The following SORCS3 variants were observed in gnomAD, a reference collection of about 807,000 sequenced individuals.
SORCS3 encodes sortilin related VPS10 domain containing receptor 3.
SORCS3 carries 57 observed loss-of-function variants against 146.3 expected under a neutral mutation model. The ratio of observed to expected loss-of-function variants is 0.39; its 90% CI spans 0.31 to 0.49. The LOEUF (loss-of-function observed/expected upper bound fraction) is 0.49, where lower values mean the gene tolerates loss of function less well. Ranked by LOEUF, SORCS3 falls within the 20% of genes least tolerant of loss-of-function variation. SORCS3 has a pLI of 0.92. For missense variants in SORCS3, 1,341 were observed against 1,575.5 expected (o/e 0.85, Z 2.52); for synonymous variants, 653 against 618.5 (o/e 1.06, Z -0.83).
chr10:104,920,144 A>G (rs2019072759), intron 3 of SORCS3, among the ~76,000 whole-genome samples: 1 of 152,226 alleles, frequency 6.6e-6, no homozygotes, highest in African/African-American at 2.4e-5. Flanking sequence ...AGCCAATGGC[A>G]GTAGTCTCTC....
chr10:105,172,490 A>G (rs1167138507), intron 13 of SORCS3, among the ~76,000 whole-genome samples: 1 of 152,184 alleles, frequency 6.6e-6, no homozygotes, highest in Non-Finnish European at 1.5e-5. Flanking sequence ...TAAATAATTA[A>G]TAGTTCCACC....
intron 2 of SORCS3, among the ~76,000 whole-genome samples, chr10:104,906,913 C>T (rs977639340): frequency 4.6e-5 from 7 of 152,204 alleles, no homozygotes; most frequent in Non-Finnish European, 8.8e-5. Context: ...CACCCCGGTT[C>T]CCTACCCAGT....
intron 5 of SORCS3, among the ~76,000 whole-genome samples, chr10:105,050,786 C>T (rs978231574): frequency 2.6e-5 from 4 of 152,064 alleles, no homozygotes; most frequent in Non-Finnish European, 5.9e-5. Flanking sequence ...TTATTCTTTG[C>T]TTGTTTATTT....
chr10:105,225,020 C>G (rs1218123675), intron 20 of SORCS3, among the ~76,000 whole-genome samples: 2 of 151,862 alleles, frequency 1.3e-5, no homozygotes, highest in African/African-American at 4.8e-5. Flanking sequence ...TATTTTCTTC[C>G]ACTCTGTGGC....
intron 11 of SORCS3, 89 bp from the exon 12 acceptor site, chr10:105,164,214 C>T (rs2056292553): frequency 4.2e-6 from 4 of 946,970 alleles, no homozygotes; most frequent in Admixed American, 3.7e-5. Context: ...ACTTAGAAAA[C>T]CTTTACTCTC....
intron 1 of SORCS3, among the ~76,000 whole-genome samples, chr10:104,669,894 GT>G (rs34951100): frequency 0.11 from 16,592 of 145,374 alleles, 989 homozygotes; most frequent in African/African-American, 0.15. Flanking sequence ...AACACTTTCT[GT>G]TTTTTTTTTT....
intron 1 of SORCS3, among the ~76,000 whole-genome samples, chr10:104,646,278 C>G (rs560861904): frequency 6.6e-6 from 1 of 152,196 alleles, no homozygotes; most frequent in South Asian, 2.1e-4. Flanking sequence ...AATTGGGAGG[C>G]CTGATTTAAT....
At chr10:104,757,857 ACCC>A (rs5787547) in intron 1 of SORCS3, among the ~76,000 whole-genome samples, 4 of 65,052 alleles carry the variant, frequency 6.1e-5, no homozygotes, top group Non-Finnish European at 1.2e-4. Context: ...CACTGCCACC[ACCC>A]CCCCCCCCAC....
intron 2 of SORCS3, among the ~76,000 whole-genome samples, chr10:104,855,943 C>G (rs1233052754): frequency 6.6e-6 from 1 of 152,038 alleles, no homozygotes; most frequent in African/African-American, 2.4e-5. Flanking sequence ...GCCATGTTGT[C>G]CAGGCTGGTC....
intron 1 of SORCS3, among the ~76,000 whole-genome samples, chr10:104,666,994 GGA>G (rs138623796): frequency 2.0e-5 from 3 of 150,546 alleles, no homozygotes; most frequent in African/African-American, 2.4e-5. Context: ...CTTAGTGTTG[GGA>G]GAGAGAGAGA....
chr10:105,101,563 C>T (rs1383393585), intron 6 of SORCS3, among the ~76,000 whole-genome samples: 1 of 152,224 alleles, frequency 6.6e-6, no homozygotes, highest in Non-Finnish European at 1.5e-5. Flanking sequence ...TCATTCCATA[C>T]TGAGCAGTGG....
At chr10:105,094,933 C>A (rs1310367041) in intron 6 of SORCS3, among the ~76,000 whole-genome samples, 2 of 152,168 alleles carry the variant, frequency 1.3e-5, no homozygotes, top group South Asian at 4.1e-4. Context: ...TATGAGGGAA[C>A]AGGTAGGTAG....
chr10:104,735,641 T>C (rs2016762603), intron 1 of SORCS3, among the ~76,000 whole-genome samples: 3 of 151,782 alleles, frequency 2.0e-5, no homozygotes, highest in Non-Finnish European at 1.5e-5. Context: ...TCAGCAGTGA[T>C]AGCGGAAATT....
At chr10:105,099,397 C>T (rs1351512910) in intron 6 of SORCS3, among the ~76,000 whole-genome samples, 3 of 107,916 alleles carry the variant, frequency 2.8e-5, no homozygotes, top group African/African-American at 1.0e-4. Context: ...AAAGTTTTTT[C>T]TCTGAGATGA....
chr10:105,239,194 T>C (rs947322902), intron 20 of SORCS3, among the ~76,000 whole-genome samples: 1 of 152,192 alleles, frequency 6.6e-6, no homozygotes, highest in African/African-American at 2.4e-5. Flanking sequence ...ATTTTTTATA[T>C]AGTTCTAAAC....
intron 2 of SORCS3, among the ~76,000 whole-genome samples, chr10:104,853,404 C>G (rs560822278): frequency 1.3e-5 from 2 of 152,204 alleles, no homozygotes; most frequent in African/African-American, 4.8e-5. Context: ...GAAACCATTG[C>G]TAACTTAAGC....
At chr10:104,935,503 C>T (rs1229145193) in intron 3 of SORCS3, among the ~76,000 whole-genome samples, 1 of 152,180 alleles carries the variant, frequency 6.6e-6, no homozygotes, top group African/African-American at 2.4e-5. Context: ...GTACTTCCAG[C>T]ATCAAGAACC....
At chr10:105,205,064 A>T (rs920423709) in intron 16 of SORCS3, among the ~76,000 whole-genome samples, 44 of 152,180 alleles carry the variant, frequency 2.9e-4, no homozygotes, top group African/African-American at 9.9e-4. Flanking sequence ...TATCATGCAC[A>T]GTCCATTTAG....
At chr10:104,755,398 A>C (rs1393975186) in intron 1 of SORCS3, among the ~76,000 whole-genome samples, 2 of 152,228 alleles carry the variant, frequency 1.3e-5, no homozygotes, top group Non-Finnish European at 2.9e-5. Flanking sequence ...TTTCTTGAGA[A>C]GAGAACTTGG....
Sources: allele counts gnomAD v4.1 joint callset (sites outside exome capture counted in the v4.1 genomes callset), GRCh38; gene constraint gnomAD v4.1.1; transcripts MANE v1.5; gene names NCBI Gene and HGNC (gene_info 2026-07-23, HGNC 2026-07-21).